SPATA19: variants seen among roughly 807,000 people sequenced by gnomAD.
The protein encoded by SPATA19 is spermatogenesis associated 19, also known as spermatogenesis-associated protein 19, mitochondrial.
Under a neutral mutation model 25.0 loss-of-function variants are expected in SPATA19, and 19 were observed. The ratio of observed to expected loss-of-function variants is 0.76; its 90% CI spans 0.53 to 1.11. The LOEUF is 1.11. SPATA19 is among the 50% of genes most tolerant of loss of function. The pLI is 0.00. For synonymous variants in SPATA19, 64 were observed against 69.3 expected, an observed-to-expected ratio of 0.92 and a Z score of 0.38; for missense variants, 222 against 211.4, an observed-to-expected ratio of 1.05 and a Z score of -0.31.
intron 2 of SPATA19, 38 bp from the exon 3 acceptor site, chr11:133,844,678 G>C: frequency 3.8e-6 from 6 of 1,560,712 alleles, no homozygotes; most frequent in Non-Finnish European, 5.2e-6. Context: ...ATGTCACTCT[G>C]CATCCAACCC....
chr11:133,840,254 A>G (rs2723608), downstream of SPATA19, among the ~76,000 whole-genome samples: 51,693 of 151,744 alleles, frequency 0.34, 9,545 homozygotes, highest in East Asian at 0.6. Flanking sequence ...CAAAAATTGA[A>G]GGAAATTGTC....
At chr11:133,842,159 G>A (rs1565396417) in intron 5 of SPATA19, 54 bp from the exon 6 acceptor site, 5 of 1,568,416 alleles carry the variant, frequency 3.2e-6, no homozygotes, top group Non-Finnish European at 4.4e-6. Flanking sequence ...TGATAGCAGA[G>A]CCTACCCAGA....
In SPATA19 at chr11:133,845,435, C is replaced by T. The variant is rs566143747; in HGVS notation, c.12G>A (p.Thr4=). MII[T]TWIVYILARK... is the part of the protein sequence containing the mutation. ...GAGCAAGAATATACACAATCCATGTCGTAATTATCATCTTTGAATGTATAC... is the reference window on the plus strand; with the variant it reads ...GAGCAAGAATATACACAATCCATGTTGTAATTATCATCTTTGAATGTATAC... The change falls in exon 1 of 7, where the codon ACG becomes ACA. Residue 4 remains threonine, a synonymous_variant. Transcript: ENST00000299140. 39 of 1,614,102 alleles carry T rather than the reference C, an allele frequency of 2.4e-5. No individual in the cohort carries two copies. The East Asian group carries it at 7.4e-4, about 30-fold the overall frequency.
rs1201329683 is a variant in SPATA19, at chr11:133,842,534, C to T, written c.388G>A (p.Glu130Lys). 2 of 1,614,024 alleles carry T rather than the reference C, an allele frequency of 1.2e-6. No homozygotes were observed. Among genetic ancestry groups the T allele is most frequent in the East Asian group, 2.2e-5 (1 of 44,872 alleles). Residue 130 changes from glutamate to lysine, a missense_variant, in exon 5 of 7, where the codon GAG (glutamate) becomes AAG (lysine). Physicochemically the swap from Glu to Lys is moderately conservative, Grantham distance 56 (BLOSUM62 1). Transcript: ENST00000299140. Reference protein sequence around the residue: ...SHTRIFQVPSEMTEDIMRDRI... With the variant: ...SHTRIFQVPSKMTEDIMRDRI... ...TCTCGCATGATGTCCTCTGTCATCT[C>T]ACTTGGCACTTGGAAGATACGAGTG...
At chr11:133,843,569 A>T (rs529261015) in intron 4 of SPATA19, among the ~76,000 whole-genome samples, 1 of 152,330 alleles carries the variant, frequency 6.6e-6, no homozygotes, top group East Asian at 1.9e-4. Flanking sequence ...AAGGAGGAAG[A>T]GAGGAGGAAG....
downstream of SPATA19, among the ~76,000 whole-genome samples, chr11:133,837,298 A>G (rs1938229869): frequency 6.6e-6 from 1 of 152,242 alleles, no homozygotes; most frequent in African/African-American, 2.4e-5. Context: ...CTTACTGGAC[A>G]GAAGACCAGG....
intron 4 of SPATA19, 82 bp downstream of exon 4, chr11:133,844,164 G>T: frequency 1.8e-6 from 2 of 1,136,584 alleles, no homozygotes; most frequent in East Asian, 2.4e-5. Context: ...CTCTAGAGAA[G>T]AGCATCTGAG....
chr11:133,845,005 T>C, intron 2 of SPATA19, 129 bp downstream of exon 2: 2 of 816,056 alleles, frequency 2.5e-6, no homozygotes, highest in Non-Finnish European at 3.9e-6. Flanking sequence ...TAGACTCAAA[T>C]CTAGGAAGGG....
intron 4 of SPATA19, 90 bp from the exon 5 acceptor site, chr11:133,842,652 C>G (rs558357324): frequency 5.0e-6 from 5 of 1,001,280 alleles, no homozygotes; most frequent in East Asian, 4.8e-5. Flanking sequence ...ATCCTGCAAA[C>G]AATGACTCTT....
chr11:133,844,329 G>A lies in SPATA19; in HGVS notation c.276C>T (p.His92=). Residue 92 remains histidine, a synonymous_variant, in exon 4 of 7, where the codon CAC becomes CAT. Coordinates refer to ENST00000299140, the MANE Select transcript of SPATA19 (RefSeq NM_174927.3). ...CCAACAAATCAGACTTAGAGAGGTG[G>A]TGCTTCACCTGGGAAATCCAGAGGG... The part of the protein sequence containing the change: ...DIHVTRDVVK[H]HLSKSDLLAN... The A allele has an allele frequency of 6.2e-7, 1 of 1,614,126 alleles. No homozygotes were observed. Among genetic ancestry groups the A allele is most frequent in the Non-Finnish European group, 8.5e-7 (1 of 1,179,996 alleles).
At chr11:133,843,219 G>A (rs1046534423) in intron 4 of SPATA19, among the ~76,000 whole-genome samples, 5 of 152,114 alleles carry the variant, frequency 3.3e-5, no homozygotes, top group Non-Finnish European at 5.9e-5. Flanking sequence ...TTATACAGAC[G>A]AGATTTTTAA....
In SPATA19 at chr11:133,844,629, CTCTTCT is replaced by C. The variant is rs1938382737; in HGVS notation, c.141_146del (p.Glu48_Glu49del). 1 of 1,605,422 alleles carries C rather than the reference CTCTTCT, an allele frequency of 6.2e-7. No individual in the cohort carries two copies. The highest frequency in any genetic ancestry group is 1.1e-5 in the South Asian group (1 of 89,526). On this transcript the variant is annotated inframe_deletion, in exon 3 of 7. Transcript: ENST00000299140. Reference sequence around the variant, plus strand: ...GCTTTTCCTTTATGCCCCGAGAAGCCTCTTCTTCTGTCTGAAAGGTGAGAAATTCCC... The same window carrying C: ...GCTTTTCCTTTATGCCCCGAGAAGCCTCTGTCTGAAAGGTGAGAAATTCCC...
intron 4 of SPATA19, 90 bp from the exon 5 acceptor site, chr11:133,842,652 C>T: frequency 1.0e-6 from 1 of 1,001,280 alleles, no homozygotes; most frequent in Non-Finnish European, 1.6e-6. Flanking sequence ...ATCCTGCAAA[C>T]AATGACTCTT....
intron 2 of SPATA19, 122 bp downstream of exon 2, chr11:133,845,012 A>C (rs1938389701): frequency 1.2e-6 from 1 of 839,372 alleles, no homozygotes; most frequent in Non-Finnish European, 1.9e-6. Flanking sequence ...AAATCTAGGA[A>C]GGGTGTCTGG....
chr11:133,839,042 A>G (rs1938255820), downstream of SPATA19, among the ~76,000 whole-genome samples: 1 of 152,242 alleles, frequency 6.6e-6, no homozygotes, highest in Non-Finnish European at 1.5e-5. Flanking sequence ...CAGGTGCTGG[A>G]GAGGATGTGG....
In SPATA19 at chr11:133,844,561, G is replaced by T. The variant is rs1938379865; in HGVS notation, c.215C>A (p.Ser72Tyr). ...HPSQGVREKM[S>Y]TDSPPTHGQD... ...GCCATGGGTGGGAGGGGAGTCAGTGGACATCTTCTCCCTTACACCCTGGGA... is the reference window on the plus strand; with the variant it reads ...GCCATGGGTGGGAGGGGAGTCAGTGTACATCTTCTCCCTTACACCCTGGGA... Residue 72 changes from serine (S) to tyrosine (Y), a missense_variant, in exon 3 of 7, where the codon TCC becomes TAC. Transcript: ENST00000299140. 1.9e-6 allele frequency: 3 copies of T among 1,614,122 alleles called. No homozygotes were observed. The highest frequency in any genetic ancestry group is 2.5e-6 in the Non-Finnish European group (3 of 1,179,996).
intron 4 of SPATA19, among the ~76,000 whole-genome samples, chr11:133,843,499 G>A (rs935433804): frequency 6.6e-6 from 1 of 152,200 alleles, no homozygotes; most frequent in Non-Finnish European, 1.5e-5. Flanking sequence ...CATGGAAACC[G>A]TTTCTTGAGA....
chr11:133,838,731 G>C (rs965786981), downstream of SPATA19, among the ~76,000 whole-genome samples: 33 of 152,276 alleles, frequency 2.2e-4, no homozygotes, highest in African/African-American at 6.7e-4. Context: ...ACTACCATCA[G>C]GGTGAACAGG....
downstream of SPATA19, among the ~76,000 whole-genome samples, chr11:133,838,125 A>G (rs540450230): frequency 2.0e-5 from 3 of 152,340 alleles, no homozygotes; most frequent in South Asian, 6.2e-4. Flanking sequence ...ACATAGCTTT[A>G]TGAGACAAAG....
Sources: allele counts gnomAD v4.1 joint callset (sites outside exome capture counted in the v4.1 genomes callset), GRCh38; gene constraint gnomAD v4.1.1; transcripts MANE v1.5; gene names NCBI Gene and HGNC (gene_info 2026-07-23, HGNC 2026-07-21).